Variants in HERC1 observed in about 807,000 individuals in gnomAD.
HERC1 encodes the protein HECT and RLD domain containing E3 ubiquitin protein ligase family member 1.
A neutral mutation model predicts 554.3 loss-of-function variants in HERC1; 160 were observed. The ratio of observed to expected loss-of-function variants is 0.29; its 90% CI spans 0.25 to 0.33. HERC1 has a LOEUF of 0.33. Among genes scored for constraint, HERC1 ranks in the 10% least tolerant of loss-of-function variants. The pLI is 1.00. For synonymous variants in HERC1, 2,175 were observed against 2,131.7 expected (o/e 1.02, Z -0.56); for missense variants, 4,919 against 5,918.5 (o/e 0.83, Z 5.54).
In HERC1 at chr15:63,689,651, G is replaced by A. The variant is rs1314406065; in HGVS notation, c.5986C>T (p.Pro1996Ser). ...ATAGCATGTTTGGCCTGAGCAATGGGTGTCTCCCACATACAATCAGAGAGA... is the reference window on the plus strand; with the variant it reads ...ATAGCATGTTTGGCCTGAGCAATGGATGTCTCCCACATACAATCAGAGAGA... Reference protein sequence around the residue: ...SLLSDCMWETPIAQAKHAIQI... With the variant: ...SLLSDCMWETSIAQAKHAIQI... Residue 1996 changes from proline to serine, a missense_variant, in exon 33 of 78, where the codon CCC becomes TCC. Physicochemically the swap from Pro to Ser is moderately conservative, Grantham distance 74. Transcript: ENST00000443617. 6.3e-7 allele frequency: 1 copy of A among 1,589,772 alleles called. No homozygotes were observed. Among genetic ancestry groups the A allele is most frequent in the Non-Finnish European group, 8.6e-7 (1 of 1,166,808 alleles).
In HERC1 at chr15:63,638,793, A is replaced by G. The variant is rs1203432257; in HGVS notation, c.11902-17T>C. On this transcript the variant is annotated splice_polypyrimidine_tract_variant and intron_variant, in intron 61 of 77. Coordinates refer to ENST00000443617, the MANE Select transcript of HERC1 (RefSeq NM_003922.4). ...ACTGTTATCCTGAAAAACAGGGGGT[A>G]CATAATGATCAATTCTGCTTAGGCA... The G allele has an allele frequency of 6.2e-7, 1 of 1,605,062 alleles. No homozygotes were observed. Among genetic ancestry groups the G allele is most frequent in the East Asian group, 2.2e-5 (1 of 44,846 alleles).
intron 19 of HERC1, among the ~76,000 whole-genome samples, chr15:63,720,376 C>A (rs567309581): frequency 6.6e-6 from 1 of 151,950 alleles, no homozygotes; most frequent in Non-Finnish European, 1.5e-5. Flanking sequence ...CCACCCTGCT[C>A]CCAGAGGGAC....
chr15:63,722,104 A>G (rs76927788), intron 19 of HERC1, among the ~76,000 whole-genome samples: 1,603 of 152,280 alleles, frequency 0.011, 22 homozygotes, highest in African/African-American at 0.037. Flanking sequence ...ACCTCAAGTG[A>G]TACCTCCCAC....
At chr15:63,797,712 G>T (rs2076854480) in intron 1 of HERC1, among the ~76,000 whole-genome samples, 1 of 152,160 alleles carries the variant, frequency 6.6e-6, no homozygotes, top group African/African-American at 2.4e-5. Context: ...GCAATGTAGT[G>T]GTCTCTGTTA....
chr15:63,757,894 G>C (rs1048494567), intron 4 of HERC1, among the ~76,000 whole-genome samples: 7 of 151,790 alleles, frequency 4.6e-5, no homozygotes, highest in African/African-American at 1.7e-4. Context: ...ATTTTTAGTA[G>C]AGATAGGGTT....
chr15:63,809,597 G>A (rs1195440794), intron 1 of HERC1, among the ~76,000 whole-genome samples: 1 of 152,132 alleles, frequency 6.6e-6, no homozygotes, highest in East Asian at 1.9e-4. Flanking sequence ...AAGTTGAGTT[G>A]AGAAATATGG....
At chr15:63,632,673 T>A (rs763158378) in intron 68 of HERC1, 36 bp downstream of exon 68, 48 of 1,314,706 alleles carry the variant, frequency 3.7e-5, no homozygotes, top group Non-Finnish European at 5.0e-5. Context: ...TTTATAATGA[T>A]GTGTACCCAA....
chr15:63,777,858 T>C (rs1340698540), intron 1 of HERC1, among the ~76,000 whole-genome samples: 1 of 152,206 alleles, frequency 6.6e-6, no homozygotes, highest in African/African-American at 2.4e-5. Flanking sequence ...CCTGAGTCTT[T>C]AGTCCATCTG....
Position 63,718,951 on chromosome 15 carries a change from A to G in HERC1, c.3743-54T>C. 7.8e-7 allele frequency: 1 copy of G among 1,281,396 alleles called. No homozygotes were observed. The highest frequency in any genetic ancestry group is 1.1e-6 in the Non-Finnish European group (1 of 905,202). 79.4% of individuals were successfully genotyped at this position (1,281,396 alleles called of 1,614,324 possible). A position where few individuals can be genotyped will look rare whatever the true frequency, so the allele number is the denominator to read the frequency against. On this transcript the variant is annotated intron_variant, in intron 19 of 77. Coordinates refer to ENST00000443617, the MANE Select transcript of HERC1 (RefSeq NM_003922.4). This position sits in a 1 kb window ranked among gnomAD's most constrained non-coding sequence, Gnocchi z 4.2. Reference sequence around the variant, plus strand: ...TAAAAGGGCTCAGAAAACAGTTCAGAGGTAATTTTTATAGCTTTAGTCATC... The same window carrying G: ...TAAAAGGGCTCAGAAAACAGTTCAGGGGTAATTTTTATAGCTTTAGTCATC...
chr15:63,612,541 C>T lies in HERC1; in HGVS notation c.14110G>A (p.Glu4704Lys). 6.2e-7 allele frequency: 1 copy of T among 1,613,336 alleles called. No individual in the cohort carries two copies. Among genetic ancestry groups the T allele is most frequent in the Non-Finnish European group, 8.5e-7 (1 of 1,179,358 alleles). The stretch of plus-strand genomic sequence containing the variant: ...ACAGGAACAATCCAGGACATCCCTT[C>T]TCGGACTGCAGCCACCTGCTCCCGG... ...EMDRQVAAVR[E>K]GMSWIVPVPL... The change falls in exon 77 of 78, where the codon GAA (glutamate) becomes AAA (lysine). Residue 4704 changes from glutamate to lysine, a missense_variant. By Grantham distance (56) the Glu-to-Lys change is moderately conservative. This residue lies in a region of HERC1 where 284 missense variants were observed against 294.1 expected (regional missense o/e 0.97). Coordinates refer to ENST00000443617, the MANE Select transcript of HERC1 (RefSeq NM_003922.4). The surrounding 1 kb of genome is among the most constrained non-coding windows in gnomAD (Gnocchi z 5.0).
intron 18 of HERC1, among the ~76,000 whole-genome samples, chr15:63,723,830 AC>A (rs1453207686): frequency 2.0e-5 from 3 of 152,228 alleles, no homozygotes; most frequent in African/African-American, 7.2e-5. Flanking sequence ...TGTAAAAGAT[AC>A]CATGAACAAT....
rs183803778 is a variant in HERC1 at position 63,687,748 on chromosome 15, G to A, written c.6049-1213C>T. Reference sequence around the variant, plus strand: ...AAGTGGTATGTTGAAATTAAAGCAGGTGACACGACAAAGAGTGTGTGGCAA... The same window carrying A: ...AAGTGGTATGTTGAAATTAAAGCAGATGACACGACAAAGAGTGTGTGGCAA... On this transcript the variant is annotated intron_variant, in intron 33 of 77. Transcript: ENST00000443617. 5.3e-5 allele frequency among the ~76,000 whole-genome samples: 8 copies of A among 152,240 alleles called. No homozygotes were observed. The East Asian group carries it at 1.3e-3, about 26-fold the overall frequency.
rs375324400 is a variant in HERC1 at position 63,713,446 on chromosome 15, C to T, written c.4370G>A (p.Ser1457Asn). 8.1e-6 allele frequency: 13 copies of T among 1,613,902 alleles called. No homozygotes were observed. Among genetic ancestry groups the T allele is most frequent in the Middle Eastern group, 1.6e-4 (1 of 6,084 alleles). ...HRCALLILGV[S>N]PVIDELQKRR... ...CTTCTGAAGCTCATCTATCACAGGACTTACTCCTAATATTAACAGGGCACA... is the reference window on the plus strand; with the variant it reads ...CTTCTGAAGCTCATCTATCACAGGATTTACTCCTAATATTAACAGGGCACA... The change falls in exon 23 of 78, where the codon AGT becomes AAT. Residue 1457 changes from serine (S) to asparagine (N), a missense_variant. Ser to Asn is a conservative substitution (Grantham distance 46). This residue lies in a region of HERC1 where 1,121 missense variants were observed against 1,244.0 expected (regional missense o/e 0.90). Transcript: ENST00000443617.
At chr15:63,794,037 C>T in intron 1 of HERC1, among the ~76,000 whole-genome samples, 1 of 152,234 alleles carries the variant, frequency 6.6e-6, no homozygotes, top group Non-Finnish European at 1.5e-5. Context: ...GTCCTCACTG[C>T]TACACTCCCA....
Position 63,666,022 on chromosome 15 carries a change from C to A in HERC1, c.8452G>T (p.Val2818Phe), listed in dbSNP as rs565203493. ...STADSRPGAAVLGSGGKSNDP... is the reference protein window; with the variant it reads ...STADSRPGAAFLGSGGKSNDP... ...TTTGACTTCCCGCCACTGCCTAGAA[C>A]GGCTGCTCCAGGCCTAGAGTCTGCT... Residue 2818 changes from valine (V) to phenylalanine (F), a missense_variant, in exon 42 of 78, where the codon GTT becomes TTT. Transcript: ENST00000443617. The A allele has an allele frequency of 2.5e-6, 4 of 1,613,896 alleles. No homozygotes were observed. In the African/African-American group the frequency reaches 5.3e-5, roughly 22 times the overall value.
At chr15:63,801,995 G>C (rs1002285691) in intron 1 of HERC1, among the ~76,000 whole-genome samples, 1 of 152,164 alleles carries the variant, frequency 6.6e-6, no homozygotes, top group South Asian at 2.1e-4. Flanking sequence ...AACTCTCGAC[G>C]TCTACCAACC....
At chr15:63,768,203 A>G (rs1175798462) in intron 2 of HERC1, among the ~76,000 whole-genome samples, 1 of 152,186 alleles carries the variant, frequency 6.6e-6, no homozygotes, top group Non-Finnish European at 1.5e-5. Context: ...TGCTGCTGCC[A>G]AGTCAGTTTT....
chr15:63,608,969 T>A lies in HERC1; in HGVS notation c.*112A>T. On this transcript the variant is annotated 3_prime_UTR_variant, in exon 78 of 78. Transcript: ENST00000443617. ...AACTAAATGTGGCCATTGTTTATAA[T>A]GTTGGTTTATGTTCTTATAACATCT... 1.2e-6 allele frequency: 1 copy of A among 848,860 alleles called. No homozygotes were observed. The highest frequency in any genetic ancestry group is 1.7e-6 in the Non-Finnish European group (1 of 577,070). 52.6% of individuals were successfully genotyped at this position (848,860 alleles called of 1,614,324 possible). A position where few individuals can be genotyped will look rare whatever the true frequency, so the allele number is the denominator to read the frequency against.
intron 34 of HERC1, among the ~76,000 whole-genome samples, chr15:63,684,836 T>C (rs766527881): frequency 4.6e-5 from 7 of 152,016 alleles, no homozygotes; most frequent in African/African-American, 1.7e-4. Context: ...GGCAAAACCC[T>C]ATCTCTACTA....
Sources: gnomAD v4.1 joint callset for allele counts (sites outside exome capture counted in the v4.1 genomes callset) on GRCh38, gnomAD v4.1.1 for gene constraint, gnomAD v4.1.1 regional missense constraint, Gnocchi (gnomAD v3.1) non-coding constraint, MANE v1.5 for transcripts, NCBI Gene and HGNC (gene_info 2026-07-23, HGNC 2026-07-21) for gene names.